Variants in LRRC4C observed in about 807,000 individuals in gnomAD.
LRRC4C encodes leucine-rich repeat-containing protein 4C.
LRRC4C carries 5 observed loss-of-function variants against 33.6 expected under a neutral mutation model. The ratio of observed to expected loss-of-function variants is 0.15; its 90% CI spans 0.08 to 0.31. LRRC4C has a LOEUF of 0.31. Among genes scored for constraint, LRRC4C ranks in the 10% least tolerant of loss-of-function variants. The probability of loss-of-function intolerance (pLI) is 1.00; values close to 1 mark genes in which losing one functional copy is unlikely to be tolerated. For synonymous variants in LRRC4C, 329 were observed against 302.0 expected, an observed-to-expected ratio of 1.09 and a Z score of -0.93; for missense variants, 560 against 796.7, an observed-to-expected ratio of 0.70 and a Z score of 3.58.
intron 1 of LRRC4C, among the ~76,000 whole-genome samples, chr11:40,947,400 A>G (rs978103942): frequency 2.0e-5 from 3 of 152,096 alleles, no homozygotes; most frequent in Non-Finnish European, 2.9e-5. Flanking sequence ...TCTTGCTTTT[A>G]AGCTTTGTTG....
chr11:41,293,630 C>A (rs777272972), intron 1 of LRRC4C, among the ~76,000 whole-genome samples: 4 of 151,454 alleles, frequency 2.6e-5, no homozygotes, highest in African/African-American at 4.9e-5. Flanking sequence ...GAGTTTCACT[C>A]CTGTGGCCCA....
intron 2 of LRRC4C, among the ~76,000 whole-genome samples, chr11:40,794,530 A>G (rs1437122963): frequency 3.3e-5 from 5 of 152,126 alleles, no homozygotes; most frequent in Non-Finnish European, 7.4e-5. Flanking sequence ...TTTTGTCTGT[A>G]AGAAATATCC....
chr11:40,415,241 C>G (rs941924861), intron 3 of LRRC4C, among the ~76,000 whole-genome samples: 1 of 152,204 alleles, frequency 6.6e-6, no homozygotes, highest in Non-Finnish European at 1.5e-5. Flanking sequence ...GAGCCAGATT[C>G]ACCAGTATAG....
chr11:41,279,428 A>ACCCCCCCCCCC (rs1555134481), intron 1 of LRRC4C, among the ~76,000 whole-genome samples: 2 of 140,786 alleles, frequency 1.4e-5, no homozygotes, highest in African/African-American at 5.4e-5. Flanking sequence ...ACACACACAC[A>ACCCCCCCCCCC]CCGTGGCAAT....
At chr11:40,592,722 A>G (rs929274514) in intron 3 of LRRC4C, among the ~76,000 whole-genome samples, 15 of 152,112 alleles carry the variant, frequency 9.9e-5, no homozygotes, top group African/African-American at 3.6e-4. Flanking sequence ...CCAGTGTTCC[A>G]AGACACCCTG....
intron 2 of LRRC4C, among the ~76,000 whole-genome samples, chr11:40,790,882 G>C (rs1950597964): frequency 1.3e-5 from 2 of 152,186 alleles, no homozygotes; most frequent in Non-Finnish European, 2.9e-5. Context: ...GTTTCTCTCT[G>C]ATGGTTAATT....
intron 1 of LRRC4C, among the ~76,000 whole-genome samples, chr11:41,241,825 T>A (rs1331303626): frequency 1.3e-5 from 2 of 152,190 alleles, no homozygotes; most frequent in African/African-American, 4.8e-5. Context: ...TTCTTTTCTC[T>A]CTGTTGTGCT....
chr11:40,714,258 C>T (rs1473467484), intron 2 of LRRC4C, among the ~76,000 whole-genome samples: 1 of 152,164 alleles, frequency 6.6e-6, no homozygotes, highest in Admixed American at 6.5e-5. Context: ...AAATTTCTTA[C>T]CATGATATTG....
chr11:41,427,884 C>T (rs563547198), intron 1 of LRRC4C, among the ~76,000 whole-genome samples: 1 of 152,236 alleles, frequency 6.6e-6, no homozygotes, highest in Non-Finnish European at 1.5e-5. Flanking sequence ...TCTCCTGGCT[C>T]AGCCTGGCTC....
At chr11:40,249,471 T>C (rs537922555) in intron 4 of LRRC4C, among the ~76,000 whole-genome samples, 132 of 151,876 alleles carry the variant, frequency 8.7e-4, no homozygotes, top group Admixed American at 1.8e-3. Context: ...ACTATTAAAT[T>C]AAAGATGGAT....
At chr11:41,018,950 T>A (rs947705736) in intron 1 of LRRC4C, among the ~76,000 whole-genome samples, 2 of 152,174 alleles carry the variant, frequency 1.3e-5, no homozygotes, top group African/African-American at 4.8e-5. Context: ...CTATAAGCAT[T>A]TACAAACCTA....
At chr11:41,445,023 C>T (rs1955775514) in intron 1 of LRRC4C, among the ~76,000 whole-genome samples, 1 of 151,892 alleles carries the variant, frequency 6.6e-6, no homozygotes, top group Non-Finnish European at 1.5e-5. Context: ...GGCTGGTCTC[C>T]AACTCCCAAC....
intron 1 of LRRC4C, among the ~76,000 whole-genome samples, chr11:41,244,971 A>T (rs1164776125): frequency 1.3e-5 from 2 of 152,192 alleles, no homozygotes; most frequent in Non-Finnish European, 2.9e-5. Flanking sequence ...TCACAGTCCC[A>T]TAGTAGAAAC....
chr11:41,369,704 G>A (rs1209850712), intron 1 of LRRC4C, among the ~76,000 whole-genome samples: 1 of 152,084 alleles, frequency 6.6e-6, no homozygotes, highest in Non-Finnish European at 1.5e-5. Flanking sequence ...GAAAAGGAGG[G>A]CAAAATCTGT....
chr11:41,420,456 C>G (rs1954836872), intron 1 of LRRC4C, among the ~76,000 whole-genome samples: 2 of 151,994 alleles, frequency 1.3e-5, no homozygotes, highest in Admixed American at 1.3e-4. Context: ...TAAAAGGCTG[C>G]ACATGGAAAA....
At chr11:40,174,754 C>A (rs1860332566) in intron 5 of LRRC4C, among the ~76,000 whole-genome samples, 1 of 152,114 alleles carries the variant, frequency 6.6e-6, no homozygotes, top group East Asian at 1.9e-4. Context: ...GTAACAATAA[C>A]CAATGGATTT....
chr11:40,244,667 C>T (rs994905695), intron 4 of LRRC4C, among the ~76,000 whole-genome samples: 1 of 151,990 alleles, frequency 6.6e-6, no homozygotes. Context: ...TTAATAAACT[C>T]GTATGCCTTC....
chr11:40,827,216 T>C (rs1294026820), intron 2 of LRRC4C, among the ~76,000 whole-genome samples: 1 of 151,874 alleles, frequency 6.6e-6, no homozygotes, highest in Non-Finnish European at 1.5e-5. Flanking sequence ...CTGAATCTGC[T>C]TAAATCCATT....
chr11:40,205,462 G>T (rs1456615728), intron 5 of LRRC4C, among the ~76,000 whole-genome samples: 1 of 152,100 alleles, frequency 6.6e-6, no homozygotes, highest in African/African-American at 2.4e-5. Context: ...AATTACGGGG[G>T]TGAGAAGAAT....
Sources: allele counts gnomAD v4.1 joint callset (sites outside exome capture counted in the v4.1 genomes callset), GRCh38; gene constraint gnomAD v4.1.1; transcripts MANE v1.5; gene names NCBI Gene and HGNC (gene_info 2026-07-23, HGNC 2026-07-21).